The following DGKI variants were observed in gnomAD, a reference collection of about 807,000 sequenced individuals.
DGKI encodes the protein diacylglycerol kinase iota.
A neutral mutation model predicts 147.5 loss-of-function variants in DGKI; 55 were observed. The observed-to-expected ratio is 0.37, with a 90% CI of 0.30 to 0.47. DGKI has a LOEUF of 0.47. Ranked by LOEUF, DGKI falls within the 20% of genes least tolerant of loss-of-function variation. DGKI has a pLI of 1.00. For synonymous variants in DGKI, 469 were observed against 477.1 expected (o/e 0.98, Z 0.22); for missense variants, 1,007 against 1,323.8 (o/e 0.76, Z 3.71).
intron 23 of DGKI, among the ~76,000 whole-genome samples, chr7:137,477,985 C>T (rs1815234778): frequency 6.6e-6 from 1 of 152,156 alleles, no homozygotes; most frequent in Non-Finnish European, 1.5e-5. Flanking sequence ...AAACAACAAT[C>T]CCCACATATG....
rs187436942 is a variant in DGKI, at chr7:137,734,121, T to C, written c.402-44119A>G. Reference sequence around the variant, plus strand: ...CCCTGTCTCCTGGCATTTATGCCATTGTGTAATTCCCTCCTCTAACTGTGA... The same window carrying C: ...CCCTGTCTCCTGGCATTTATGCCATCGTGTAATTCCCTCCTCTAACTGTGA... On this transcript the variant is annotated intron_variant, in intron 1 of 32. Coordinates refer to ENST00000614521, the MANE Select transcript of DGKI (RefSeq NM_001321708.2). Among the ~76,000 whole-genome samples, 36 of 152,220 alleles carry C rather than the reference T, an allele frequency of 2.4e-4. 1 individual carries two copies. The highest frequency in any genetic ancestry group is 1.9e-3 in the Admixed American group (29 of 15,288).
intron 1 of DGKI, among the ~76,000 whole-genome samples, chr7:137,744,101 G>C (rs1484667225): frequency 6.6e-6 from 1 of 151,478 alleles, no homozygotes; most frequent in Non-Finnish European, 1.5e-5. Flanking sequence ...CAAAAAAACA[G>C]ATAATTGGTT....
chr7:137,545,976 G>A (rs1817852094), intron 20 of DGKI: 1 of 701,968 alleles, frequency 1.4e-6, no homozygotes, highest in Non-Finnish European at 2.6e-6. Context: ...GAGGCAGCAG[G>A]GAATGAGCAG....
At chr7:137,485,324 A>G in intron 23 of DGKI, 50 bp downstream of exon 23, 1 of 1,378,878 alleles carries the variant, frequency 7.3e-7, no homozygotes, top group Non-Finnish European at 1.0e-6. Flanking sequence ...TGAAAGATGG[A>G]CTTCATTTGG....
chr7:137,684,638 G>A (rs1408814703), intron 2 of DGKI, among the ~76,000 whole-genome samples: 4 of 152,220 alleles, frequency 2.6e-5, no homozygotes, highest in African/African-American at 9.6e-5. Flanking sequence ...AATGGTGAGA[G>A]TCCCTGAAAT....
chr7:137,526,640 G>C lies in DGKI; in HGVS notation c.2148-4674C>G, dbSNP rs1329475492. ...CCTTTTACCCTGAGATGTTGGAAGG[G>C]AGGTAGACTGACTTTCCATTAAGAC... On this transcript the variant is annotated intron_variant, in intron 20 of 32. Coordinates refer to ENST00000614521, the MANE Select transcript of DGKI (RefSeq NM_001321708.2). Among the ~76,000 whole-genome samples the C allele has an allele frequency of 3.9e-5, 6 of 152,164 alleles. 1 individual carries two copies. Among genetic ancestry groups the C allele is most frequent in the Admixed American group, 3.3e-4 (5 of 15,264 alleles).
chr7:137,665,259 G>T (rs1822594672), intron 3 of DGKI, among the ~76,000 whole-genome samples: 1 of 152,190 alleles, frequency 6.6e-6, no homozygotes, highest in African/African-American at 2.4e-5. Context: ...GGAACAAAAA[G>T]GAAAGGCAGA....
chr7:137,476,798 TA>T (rs1815186957), intron 23 of DGKI, among the ~76,000 whole-genome samples: 1 of 152,192 alleles, frequency 6.6e-6, no homozygotes, highest in African/African-American at 2.4e-5. Flanking sequence ...AGAATTTAAG[TA>T]AACTACCCAG....
intron 12 of DGKI, among the ~76,000 whole-genome samples, chr7:137,592,868 G>A (rs1230724037): frequency 1.3e-5 from 2 of 152,136 alleles, no homozygotes; most frequent in African/African-American, 4.8e-5. Flanking sequence ...ATAAAAATCA[G>A]AATATGACCT....
chr7:137,730,220 G>A (rs556888386), intron 1 of DGKI, among the ~76,000 whole-genome samples: 45 of 152,080 alleles, frequency 3.0e-4, no homozygotes, highest in Non-Finnish European at 5.7e-4. Context: ...CTCCTGTCCT[G>A]GATATCCCAC....
intron 28 of DGKI, among the ~76,000 whole-genome samples, chr7:137,441,035 T>C (rs1213785168): frequency 6.6e-6 from 1 of 152,190 alleles, no homozygotes; most frequent in Admixed American, 6.5e-5. Flanking sequence ...GGGCGGAACA[T>C]AATCCCGAGC....
chr7:137,676,543 A>G (rs185102082), intron 3 of DGKI, among the ~76,000 whole-genome samples: 18 of 152,330 alleles, frequency 1.2e-4, no homozygotes, highest in Admixed American at 1.1e-3. Flanking sequence ...TTAGGTCTTC[A>G]GCTTCCTCAC....
At chr7:137,653,008 G>A (rs1364441293) in intron 5 of DGKI, among the ~76,000 whole-genome samples, 1 of 152,082 alleles carries the variant, frequency 6.6e-6, no homozygotes. Flanking sequence ...AGGACAACAG[G>A]GATACCTCAC....
chr7:137,620,986 AATT>A (rs1190667918), intron 7 of DGKI, among the ~76,000 whole-genome samples: 6 of 152,206 alleles, frequency 3.9e-5, no homozygotes, highest in African/African-American at 1.2e-4. Flanking sequence ...CACTGATAAT[AATT>A]ATGTTGAAAA....
At chr7:137,415,861 C>T (rs1295253521) in intron 28 of DGKI, among the ~76,000 whole-genome samples, 4 of 151,842 alleles carry the variant, frequency 2.6e-5, no homozygotes, top group Non-Finnish European at 5.9e-5. Flanking sequence ...TGGTGGTGGG[C>T]GCCCGTAATC....
intron 26 of DGKI, among the ~76,000 whole-genome samples, chr7:137,464,937 G>A (rs1814597886): frequency 6.6e-6 from 1 of 152,142 alleles, no homozygotes; most frequent in African/African-American, 2.4e-5. Context: ...AATTTCACAA[G>A]GACAAAGATT....
At chr7:137,483,831 T>C (rs1360779989) in intron 23 of DGKI, among the ~76,000 whole-genome samples, 1 of 152,110 alleles carries the variant, frequency 6.6e-6, no homozygotes, top group African/African-American at 2.4e-5. Context: ...CACACTTTCT[T>C]TATCCAGTCT....
intron 27 of DGKI, among the ~76,000 whole-genome samples, chr7:137,444,367 T>C (rs542106625): frequency 6.6e-6 from 1 of 152,244 alleles, no homozygotes; most frequent in South Asian, 2.1e-4. Context: ...AGTCTAGATT[T>C]ACCACACAAA....
intron 28 of DGKI, among the ~76,000 whole-genome samples, chr7:137,438,421 G>C (rs1286969226): frequency 6.6e-6 from 1 of 152,076 alleles, no homozygotes; most frequent in Non-Finnish European, 1.5e-5. Flanking sequence ...TTTTAAATTA[G>C]TTAATATCAA....
Sources: allele counts gnomAD v4.1 joint callset (sites outside exome capture counted in the v4.1 genomes callset), GRCh38; gene constraint gnomAD v4.1.1; transcripts MANE v1.5; gene names NCBI Gene and HGNC (gene_info 2026-07-23, HGNC 2026-07-21).